THSD7B: variants seen among roughly 807,000 people sequenced by gnomAD.
THSD7B encodes the protein thrombospondin type 1 domain containing 7B.
A neutral mutation model predicts 213.6 loss-of-function variants in THSD7B; 138 were observed. The ratio of observed to expected loss-of-function variants is 0.65; its 90% confidence interval spans 0.56 to 0.74. The LOEUF is 0.74. Among genes scored for constraint, THSD7B ranks in the 30% least tolerant of loss-of-function variants. THSD7B has a pLI of 0.00. For missense variants in THSD7B, 1,931 were observed against 1,991.5 expected (o/e 0.97, Z 0.58); for synonymous variants, 742 against 687.0 (o/e 1.08, Z -1.25).
At chr2:137,618,196 T>C (rs1682444052) in intron 18 of THSD7B, among the ~76,000 whole-genome samples, 196 bp from the exon 19 acceptor site, 1 of 152,222 alleles carries the variant, frequency 6.6e-6, no homozygotes, top group African/African-American at 2.4e-5. Flanking sequence ...AGTAGGTAAC[T>C]CACTTTTCTT....
chr2:136,858,740 T>C (rs1683214248), intron 1 of THSD7B, among the ~76,000 whole-genome samples: 1 of 152,224 alleles, frequency 6.6e-6, no homozygotes. Flanking sequence ...AGGTACTCTT[T>C]TCCCTCCCAT....
At chr2:137,519,612 C>G (rs1054011158) in intron 15 of THSD7B, among the ~76,000 whole-genome samples, 14 of 152,284 alleles carry the variant, frequency 9.2e-5, no homozygotes, top group African/African-American at 3.1e-4. Context: ...ACTTGCTAGC[C>G]AGAAAAGCTG....
chr2:136,919,806 G>C (rs1293974178), intron 2 of THSD7B, among the ~76,000 whole-genome samples: 3 of 152,214 alleles, frequency 2.0e-5, no homozygotes, highest in Non-Finnish European at 4.4e-5. Context: ...GCAAGTGAGT[G>C]TGGGGTCCAG....
intron 14 of THSD7B, among the ~76,000 whole-genome samples, chr2:137,415,661 A>AGT (rs1357606014): frequency 1.1e-5 from 1 of 91,894 alleles, no homozygotes; most frequent in African/African-American, 4.3e-5. Flanking sequence ...TTCTTATATC[A>AGT]GTGTTTTTTT....
Position 137,232,981 on chromosome 2 carries a change from G to C in THSD7B, c.1998G>C (p.Glu666Asp). 1.9e-6 allele frequency: 3 copies of C among 1,613,968 alleles called. No homozygotes were observed. The highest frequency in any genetic ancestry group is 2.5e-6 in the Non-Finnish European group (3 of 1,179,850). Residue 666 changes from glutamate to aspartate, a missense_variant, in exon 9 of 28, where the codon GAG becomes GAC. Coordinates refer to ENST00000409968, the MANE Select transcript of THSD7B (RefSeq NM_001316349.2). Reference protein sequence around the residue: ...NDHSCMQLHWETSPWGPCSED... With the variant: ...NDHSCMQLHWDTSPWGPCSED... ...ATTCCTGTATGCAGCTTCACTGGGA[G>C]ACATCGCCTTGGGGCCCTTGTTCTG...
rs528638280 is a variant in THSD7B, at chr2:137,265,235, A to G, written c.2267-7298A>G. The stretch of plus-strand genomic sequence containing the variant: ...AAAATGCTCACCATCACTGGCCATC[A>G]GAGAAATGCAAATCAAAACCACAAT... On this transcript the variant is annotated intron_variant, in intron 10 of 27. Coordinates refer to ENST00000409968, the MANE Select transcript of THSD7B (RefSeq NM_001316349.2). Among the ~76,000 whole-genome samples, 5 of 152,354 alleles carry G rather than the reference A, an allele frequency of 3.3e-5. No homozygotes were observed. The East Asian group carries it at 7.7e-4, about 24-fold the overall frequency.
intron 2 of THSD7B, among the ~76,000 whole-genome samples, chr2:137,010,674 T>G (rs13405450): frequency 0.072 from 10,968 of 152,278 alleles, 430 homozygotes; most frequent in East Asian, 0.15. Context: ...TATACAAATG[T>G]GATCATCATC....
chr2:137,286,153 A>T lies in THSD7B; in HGVS notation c.2500+10127A>T, dbSNP rs543711953. 8.9e-4 allele frequency among the ~76,000 whole-genome samples: 135 copies of T among 151,994 alleles called. 1 individual carries two copies. The highest frequency in any genetic ancestry group is 1.4e-3 in the Non-Finnish European group (95 of 68,022). ...TCCAACGTTATATATTACATAAAGT[A>T]TATATTTATATAAAACAAAGGCAAG... On this transcript the variant is annotated intron_variant, in intron 12 of 27. Coordinates refer to ENST00000409968, the MANE Select transcript of THSD7B (RefSeq NM_001316349.2).
intron 15 of THSD7B, among the ~76,000 whole-genome samples, chr2:137,547,802 T>C (rs1395545005): frequency 6.6e-6 from 1 of 152,014 alleles, no homozygotes; most frequent in Non-Finnish European, 1.5e-5. Flanking sequence ...AGAACTCTGA[T>C]GTGCTTCAGA....
chr2:136,944,221 A>G (rs1424573072), intron 2 of THSD7B, among the ~76,000 whole-genome samples: 3 of 152,078 alleles, frequency 2.0e-5, no homozygotes, highest in South Asian at 2.1e-4. Context: ...CTGAGTTCTA[A>G]TTTGATTGCA....
At chr2:136,777,742 C>T (rs1230041533) in intron 1 of THSD7B, among the ~76,000 whole-genome samples, 3 of 152,074 alleles carry the variant, frequency 2.0e-5, no homozygotes, top group Admixed American at 6.6e-5. Context: ...AAAAGAATAG[C>T]TACCAAATAA....
intron 2 of THSD7B, among the ~76,000 whole-genome samples, chr2:137,016,137 G>A (rs538021811): frequency 6.6e-6 from 1 of 152,214 alleles, no homozygotes; most frequent in East Asian, 1.9e-4. Flanking sequence ...AACCTTGTAA[G>A]GTAGGTAAAG....
At chr2:137,147,822 C>T (rs1679733533) in intron 5 of THSD7B, among the ~76,000 whole-genome samples, 1 of 152,052 alleles carries the variant, frequency 6.6e-6, no homozygotes, top group Non-Finnish European at 1.5e-5. Context: ...CTTCCTGTTC[C>T]CTTTCTCTCT....
At chr2:137,568,814 G>T (rs1681293450) in intron 16 of THSD7B, among the ~76,000 whole-genome samples, 2 of 152,198 alleles carry the variant, frequency 1.3e-5, no homozygotes, top group South Asian at 4.1e-4. Flanking sequence ...TTCAAGATGA[G>T]ATTTGGGTGG....
chr2:136,766,546 A>G (rs1486574869), intron 1 of THSD7B, among the ~76,000 whole-genome samples: 1 of 152,200 alleles, frequency 6.6e-6, no homozygotes, highest in Admixed American at 6.5e-5. Flanking sequence ...CGTATTTTGA[A>G]GTTGGAAAAC....
chr2:136,772,311 A>G (rs980226385), intron 1 of THSD7B, among the ~76,000 whole-genome samples: 1 of 152,114 alleles, frequency 6.6e-6, no homozygotes, highest in African/African-American at 2.4e-5. Context: ...CAGGAAGAAT[A>G]TTGCTGAATT....
chr2:136,900,364 C>T (rs1023181643), intron 2 of THSD7B, among the ~76,000 whole-genome samples: 1 of 152,100 alleles, frequency 6.6e-6, no homozygotes, highest in Non-Finnish European at 1.5e-5. Context: ...GGCTCCTTTA[C>T]CCTTGAGATG....
At chr2:137,166,585 A>G (rs1680134790) in intron 6 of THSD7B, among the ~76,000 whole-genome samples, 2 of 152,140 alleles carry the variant, frequency 1.3e-5, no homozygotes, top group African/African-American at 4.8e-5. Flanking sequence ...AGTCCTTAAA[A>G]ATTCCCAAAG....
chr2:137,558,282 A>G (rs1022829975), intron 15 of THSD7B, among the ~76,000 whole-genome samples: 1 of 152,214 alleles, frequency 6.6e-6, no homozygotes, highest in Admixed American at 6.5e-5. Context: ...TTAGACCAAT[A>G]TCCCTGATGA....
Sources: gnomAD v4.1 joint callset for allele counts (sites outside exome capture counted in the v4.1 genomes callset) on GRCh38, gnomAD v4.1.1 for gene constraint, MANE v1.5 for transcripts, NCBI Gene and HGNC (gene_info 2026-07-23, HGNC 2026-07-21) for gene names.